The following FXN variants were observed in gnomAD, a reference collection of about 807,000 sequenced individuals.
FXN encodes the protein frataxin, mitochondrial.
A neutral mutation model predicts 22.4 loss-of-function variants in FXN; 14 were observed. The ratio of observed to expected loss-of-function variants is 0.62; its 90% confidence interval spans 0.41 to 0.98. The LOEUF is 0.98. FXN is among the 50% of genes least tolerant of loss of function. The pLI is 0.00. For missense variants in FXN, 267 were observed against 268.4 expected (o/e 0.99, Z 0.04); for synonymous variants, 120 against 114.1 (o/e 1.05, Z -0.33).
chr9:69,039,255 CAAAAA>C (rs57602725), intron 1 of FXN, among the ~76,000 whole-genome samples: 2 of 90,478 alleles, frequency 2.2e-5, no homozygotes, highest in Non-Finnish European at 4.6e-5. Flanking sequence ...GACTCCGTCT[CAAAAA>C]AAAAAAAAAG....
chr9:69,060,095 G>GCA (rs2133120339), intron 3 of FXN, among the ~76,000 whole-genome samples: 1 of 152,234 alleles, frequency 6.6e-6, no homozygotes, highest in East Asian at 1.9e-4. Flanking sequence ...CCAGCCGGGC[G>GCA]TGGTGGCTCA....
At chr9:69,066,324 T>C (rs3793466) in intron 4 of FXN, among the ~76,000 whole-genome samples, 92,104 of 152,056 alleles carry the variant, frequency 0.61, 28,464 homozygotes, top group African/African-American at 0.72. Context: ...CATTTTTAGG[T>C]AATTAATATT....
In FXN at chr9:69,073,538, A is replaced by G; in HGVS notation, c.*776A>G. The G allele has an allele frequency of 1.0e-6, 1 of 985,468 alleles. No homozygotes were observed. The highest frequency in any genetic ancestry group is 1.2e-6 in the Non-Finnish European group (1 of 829,954). 61.0% of individuals were successfully genotyped at this position (985,468 alleles called of 1,614,324 possible). ...TGAGTGATGTAGCGTAACAAACAAA[A>G]TCATGGAGCTGAGGAGGTGCCTTGT... On this transcript the variant is annotated 3_prime_UTR_variant, in exon 5 of 5. Coordinates refer to ENST00000484259, the MANE Select transcript of FXN (RefSeq NM_000144.5).
At chr9:69,059,442 C>G (rs1348435835) in intron 3 of FXN, among the ~76,000 whole-genome samples, 2 of 129,316 alleles carry the variant, frequency 1.5e-5, no homozygotes, top group African/African-American at 5.5e-5. Context: ...CTCTGTCACC[C>G]AGGCTGGAGT....
intron 4 of FXN, chr9:69,071,146 A>AGAG: frequency 1.9e-6 from 1 of 518,702 alleles, no homozygotes; most frequent in South Asian, 1.4e-5. Context: ...GGAGGGGTCT[A>AGAG]GAGGTTACTC....
intron 4 of FXN, among the ~76,000 whole-genome samples, chr9:69,069,138 C>T (rs1420323888): frequency 5.3e-5 from 8 of 152,096 alleles, no homozygotes; most frequent in African/African-American, 7.2e-5. Flanking sequence ...CCAAGGCAGG[C>T]GGATCACTTG....
intron 4 of FXN, among the ~76,000 whole-genome samples, chr9:69,069,696 G>A (rs1452040063): frequency 6.6e-6 from 1 of 152,240 alleles, no homozygotes; most frequent in Non-Finnish European, 1.5e-5. Context: ...GGCACAGCTG[G>A]AGACGGAGCT....
intron 4 of FXN, among the ~76,000 whole-genome samples, chr9:69,065,580 T>C (rs1338656709): frequency 1.3e-5 from 2 of 151,168 alleles, no homozygotes; most frequent in Non-Finnish European, 1.5e-5. Context: ...TTAGCATCCT[T>C]GTAAGTGAGC....
chr9:69,036,364 A>G (rs1831551458), intron 1 of FXN, among the ~76,000 whole-genome samples: 1 of 152,184 alleles, frequency 6.6e-6, no homozygotes, highest in African/African-American at 2.4e-5. Flanking sequence ...GTCTGTGTGT[A>G]TCTGTATATA....
chr9:69,055,887 G>T (rs1029195292), intron 3 of FXN, among the ~76,000 whole-genome samples: 5 of 149,464 alleles, frequency 3.3e-5, no homozygotes, highest in African/African-American at 1.2e-4. Flanking sequence ...ATGGTATTTA[G>T]TATTATTATT....
chr9:69,050,135 C>T (rs1057359067), intron 2 of FXN, among the ~76,000 whole-genome samples: 6 of 152,160 alleles, frequency 3.9e-5, no homozygotes, highest in African/African-American at 1.4e-4. Context: ...TATAAACTGT[C>T]TCATTAAGTA....
At chr9:69,041,138 T>C (rs560556732) in intron 1 of FXN, among the ~76,000 whole-genome samples, 3 of 152,336 alleles carry the variant, frequency 2.0e-5, no homozygotes, top group African/African-American at 4.8e-5. Flanking sequence ...ACCCCATCAC[T>C]GCCCTGTCCT....
chr9:69,059,246 C>A (rs1280806918), intron 3 of FXN, among the ~76,000 whole-genome samples: 1 of 151,950 alleles, frequency 6.6e-6, no homozygotes, highest in East Asian at 1.9e-4. Flanking sequence ...CCCTTAGATC[C>A]GAACTCAAAA....
Position 69,076,861 on chromosome 9 carries a change from T to C in FXN, c.*4099T>C. 1.0e-6 allele frequency: 1 copy of C among 985,478 alleles called. No individual in the cohort carries two copies. The highest frequency in any genetic ancestry group is 4.7e-5 in the South Asian group (1 of 21,290). The allele number at this position is 985,478 out of a possible 1,614,324, so 61.0% of individuals were successfully genotyped here. A position where few individuals can be genotyped will look rare whatever the true frequency, so the allele number is the denominator to read the frequency against. The stretch of plus-strand genomic sequence containing the variant: ...GGAGGGGCAAAGTTTTGAAATTTCA[T>C]GTAAATTTATGCTGTTCAAAACGAC... On this transcript the variant is annotated 3_prime_UTR_variant, in exon 5 of 5. Coordinates refer to ENST00000484259, the MANE Select transcript of FXN (RefSeq NM_000144.5).
At chr9:69,068,427 G>A (rs779535518) in intron 4 of FXN, among the ~76,000 whole-genome samples, 4 of 152,142 alleles carry the variant, frequency 2.6e-5, no homozygotes, top group Admixed American at 1.3e-4. Context: ...TGTTTGAGAC[G>A]GAACACCCCA....
intron 4 of FXN, among the ~76,000 whole-genome samples, chr9:69,066,880 A>G (rs2133129481): frequency 6.6e-6 from 1 of 151,306 alleles, no homozygotes; most frequent in South Asian, 2.1e-4. Flanking sequence ...ATATATATAT[A>G]TATATGGGGG....
rs186001812 is a variant in FXN, at chr9:69,047,960, C to T, written c.263+1478C>T. Reference sequence around the variant, plus strand: ...CTTGAACTCCTGACCTCAGATGATCCGCCCGCCTCGGCCTCCCAAAGTGCT... The same window carrying T: ...CTTGAACTCCTGACCTCAGATGATCTGCCCGCCTCGGCCTCCCAAAGTGCT... On this transcript the variant is annotated intron_variant, in intron 2 of 4. Transcript: ENST00000484259. Among the ~76,000 whole-genome samples the T allele has an allele frequency of 4.6e-3, 693 of 152,186 alleles. 6 individuals are homozygous for T. Among genetic ancestry groups the T allele is most frequent in the Middle Eastern group, 0.02 (6 of 294 alleles).
intron 3 of FXN, among the ~76,000 whole-genome samples, chr9:69,056,645 T>C (rs986182799): frequency 5.3e-5 from 8 of 152,022 alleles, no homozygotes; most frequent in Non-Finnish European, 1.2e-4. Context: ...CTGTGGTCAG[T>C]GGTTATCAGG....
At chr9:69,037,281 A>AGAAG (rs1554758751) in intron 1 of FXN, among the ~76,000 whole-genome samples, 1 of 6,112 alleles carries the variant, frequency 1.6e-4, no homozygotes, top group Non-Finnish European at 6.1e-4. Context: ...AAAAAAAAAA[A>AGAAG]AAAAAGAAGA....
Sources: gnomAD v4.1 joint callset for allele counts (sites outside exome capture counted in the v4.1 genomes callset) on GRCh38, gnomAD v4.1.1 for gene constraint, MANE v1.5 for transcripts, NCBI Gene and HGNC (gene_info 2026-07-23, HGNC 2026-07-21) for gene names.